PEMT: variants seen among roughly 807,000 people sequenced by gnomAD.
PEMT encodes phospholipid methyltransferase.
Under a neutral mutation model 27.4 loss-of-function variants are expected in PEMT, and 23 were observed. The observed-to-expected ratio is 0.84, with a 90% confidence interval of 0.60 to 1.19. The LOEUF (loss-of-function observed/expected upper bound fraction) is 1.19. Among genes scored for constraint, PEMT ranks in the 50% most tolerant of loss-of-function variants. PEMT has a pLI of 0.00. For synonymous variants in PEMT, 137 were observed against 139.1 expected (o/e 0.98, Z 0.11); for missense variants, 307 against 310.1 (o/e 0.99, Z 0.07).
chr17:17,583,764 A>G (rs1207003381), intron 1 of PEMT, among the ~76,000 whole-genome samples: 1 of 151,850 alleles, frequency 6.6e-6, no homozygotes, highest in Non-Finnish European at 1.5e-5. Flanking sequence ...CTCACCATTC[A>G]CTCTCTGGAG....
At chr17:17,590,537 A>G (rs1273977349) in intron 1 of PEMT, among the ~76,000 whole-genome samples, 2 of 152,176 alleles carry the variant, frequency 1.3e-5, no homozygotes, top group African/African-American at 4.8e-5. Flanking sequence ...CAGGCCTACA[A>G]TCTCCCTCCC....
chr17:17,532,890 G>A (rs1233269487), intron 2 of PEMT, among the ~76,000 whole-genome samples: 1 of 152,180 alleles, frequency 6.6e-6, no homozygotes, highest in Non-Finnish European at 1.5e-5. Context: ...AGCTGGGAGT[G>A]GTGGTGGGCA....
chr17:17,560,105 C>A (rs7225421), intron 2 of PEMT, among the ~76,000 whole-genome samples: 16,176 of 152,278 alleles, frequency 0.11, 1,370 homozygotes, highest in African/African-American at 0.24. Flanking sequence ...GTCCTTTGCA[C>A]AGCACCCCAT....
chr17:17,586,141 A>G (rs1314163384), intron 1 of PEMT, among the ~76,000 whole-genome samples: 1 of 148,512 alleles, frequency 6.7e-6, no homozygotes, highest in Non-Finnish European at 1.5e-5. Context: ...ATCTAATGAG[A>G]AAGAAAGAAA....
chr17:17,563,384 C>G (rs1910620439), intron 2 of PEMT, among the ~76,000 whole-genome samples: 1 of 152,166 alleles, frequency 6.6e-6, no homozygotes, highest in Non-Finnish European at 1.5e-5. Flanking sequence ...ATAACCGCAT[C>G]CGCAGGGGCC....
intron 2 of PEMT, among the ~76,000 whole-genome samples, chr17:17,554,004 C>T (rs1349590721): frequency 6.6e-6 from 1 of 152,220 alleles, no homozygotes; most frequent in Non-Finnish European, 1.5e-5. Flanking sequence ...GGTCTGGAGG[C>T]TTCTGCGGGA....
intron 2 of PEMT, among the ~76,000 whole-genome samples, chr17:17,556,215 C>T (rs535055045): frequency 2.0e-5 from 3 of 152,344 alleles, no homozygotes; most frequent in South Asian, 4.1e-4. Context: ...AGGAACAGGT[C>T]TTCTGACTCT....
At chr17:17,557,591 C>T (rs959255641) in intron 2 of PEMT, among the ~76,000 whole-genome samples, 4 of 152,192 alleles carry the variant, frequency 2.6e-5, no homozygotes, top group African/African-American at 9.7e-5. Flanking sequence ...AAGCCCACAG[C>T]GCCCAGAACA....
intron 3 of PEMT, among the ~76,000 whole-genome samples, chr17:17,521,203 G>A (rs1476952472): frequency 1.3e-5 from 2 of 152,324 alleles, no homozygotes; most frequent in South Asian, 2.1e-4. Flanking sequence ...GGTCTGTCTC[G>A]ACAAGTCAAA....
At chr17:17,507,455 T>C (rs749155662) in intron 5 of PEMT, 27 of 542,932 alleles carry the variant, frequency 5.0e-5, no homozygotes, top group Non-Finnish European at 7.9e-5. Flanking sequence ...CTTCCACCCC[T>C]GGACCTCACA....
intron 2 of PEMT, among the ~76,000 whole-genome samples, chr17:17,540,605 C>T (rs1567700514): frequency 6.6e-6 from 1 of 152,200 alleles, no homozygotes; most frequent in Non-Finnish European, 1.5e-5. Context: ...AGGAGCCCAA[C>T]TTCCAGGCAG....
At chr17:17,577,369 G>A (rs1911670791) in intron 1 of PEMT, 3 of 760,122 alleles carry the variant, frequency 3.9e-6, no homozygotes, top group East Asian at 1.3e-4. Flanking sequence ...GGCCCCAGAG[G>A]AAACCCAAGC....
intron 1 of PEMT, among the ~76,000 whole-genome samples, chr17:17,585,065 C>T (rs990918457): frequency 3.3e-5 from 5 of 152,190 alleles, no homozygotes; most frequent in African/African-American, 7.2e-5. Context: ...TGGCCAGGCG[C>T]GGTGGCTCAC....
At chr17:17,565,584 C>T (rs947027538) in intron 2 of PEMT, among the ~76,000 whole-genome samples, 3 of 152,252 alleles carry the variant, frequency 2.0e-5, no homozygotes, top group African/African-American at 7.2e-5. Context: ...ACAGGGCTGC[C>T]TCTAGGGCAA....
At chr17:17,573,567 G>A (rs1450209477) in intron 2 of PEMT, among the ~76,000 whole-genome samples, 2 of 152,202 alleles carry the variant, frequency 1.3e-5, no homozygotes, top group South Asian at 2.1e-4. Context: ...ACTGTCTTGG[G>A]TATGATAAGT....
At chr17:17,552,124 C>G (rs575809807) in intron 2 of PEMT, among the ~76,000 whole-genome samples, 1 of 152,232 alleles carries the variant, frequency 6.6e-6, no homozygotes, top group South Asian at 2.1e-4. Context: ...ATCACTTGAA[C>G]CTGGGAGGTG....
At chr17:17,515,016 C>T (rs988613160) in intron 3 of PEMT, among the ~76,000 whole-genome samples, 1 of 152,206 alleles carries the variant, frequency 6.6e-6, no homozygotes, top group African/African-American at 2.4e-5. Context: ...GGAATGCACT[C>T]TGCCTGCTGT....
intron 2 of PEMT, among the ~76,000 whole-genome samples, chr17:17,550,425 C>A (rs561977221): frequency 3.0e-4 from 46 of 152,276 alleles, no homozygotes; most frequent in African/African-American, 1.0e-3. Flanking sequence ...ACTTGGGTGT[C>A]AAGGGGTGTG....
At chr17:17,578,388 A>G (rs552030130) in intron 1 of PEMT, among the ~76,000 whole-genome samples, 1 of 151,916 alleles carries the variant, frequency 6.6e-6, no homozygotes, top group Non-Finnish European at 1.5e-5. Context: ...AGTTCCAGTT[A>G]CTTGGGAGGC....
Sources: allele counts gnomAD v4.1 joint callset (sites outside exome capture counted in the v4.1 genomes callset), GRCh38; gene constraint gnomAD v4.1.1; transcripts MANE v1.5; gene names NCBI Gene and HGNC (gene_info 2026-07-23, HGNC 2026-07-21).